Variants in NRG2 observed in about 807,000 individuals in gnomAD.
NRG2 encodes pro-neuregulin-2, membrane-bound isoform.
Under a neutral mutation model 73.9 loss-of-function variants are expected in NRG2, and 27 were observed. That is an observed-to-expected ratio of 0.37 (90% CI 0.27 to 0.50). NRG2 has a LOEUF of 0.50. Ranked by LOEUF, NRG2 falls within the 20% of genes least tolerant of loss-of-function variation. The pLI is 0.96. For missense variants in NRG2, 1,126 were observed against 1,210.1 expected, an observed-to-expected ratio of 0.93 and a Z score of 1.03; for synonymous variants, 532 against 541.0, an observed-to-expected ratio of 0.98 and a Z score of 0.23.
chr5:139,993,392 A>G (rs1257003087), intron 1 of NRG2, among the ~76,000 whole-genome samples: 1 of 152,194 alleles, frequency 6.6e-6, no homozygotes, highest in Non-Finnish European at 1.5e-5. Context: ...TTTCTCAAAC[A>G]TGCCAAGTTC....
At chr5:140,006,434 A>G (rs527624822) in intron 1 of NRG2, among the ~76,000 whole-genome samples, 1 of 152,344 alleles carries the variant, frequency 6.6e-6, no homozygotes, top group South Asian at 2.1e-4. Context: ...TCACCCCAAA[A>G]TTCCACTTCG....
At chr5:139,916,568 C>G (rs1277757667) in intron 1 of NRG2, among the ~76,000 whole-genome samples, 3 of 152,150 alleles carry the variant, frequency 2.0e-5, no homozygotes, top group Non-Finnish European at 4.4e-5. Context: ...TCCCCTTCAT[C>G]CCCTGGCAAC....
At chr5:139,913,932 C>T (rs1386473709) in intron 1 of NRG2, among the ~76,000 whole-genome samples, 1 of 152,138 alleles carries the variant, frequency 6.6e-6, no homozygotes, top group African/African-American at 2.4e-5. Context: ...GAGGGTGAAT[C>T]GTTTGAGCCC....
At chr5:139,998,505 C>A (rs532052796) in intron 1 of NRG2, among the ~76,000 whole-genome samples, 1 of 152,234 alleles carries the variant, frequency 6.6e-6, no homozygotes, top group East Asian at 1.9e-4. Flanking sequence ...AAACTGGGAC[C>A]CAATCTAGCC....
chr5:139,981,380 G>A lies in NRG2; in HGVS notation c.700+60990C>T, dbSNP rs145928652. On this transcript the variant is annotated intron_variant, in intron 1 of 9. Transcript: ENST00000361474. ...CCACATGGCCATGGTGGGAAGGGCC[G>A]GCCTCCCAGCAGCCATGGCCCTGGC... 7.1e-4 allele frequency among the ~76,000 whole-genome samples: 108 copies of A among 152,322 alleles called. 1 individual carries two copies. In the East Asian group the frequency reaches 0.018, roughly 25 times the overall value.
chr5:139,877,216 C>A (rs1421293476), intron 3 of NRG2, among the ~76,000 whole-genome samples: 1 of 152,238 alleles, frequency 6.6e-6, no homozygotes. Flanking sequence ...CCTGCCGACT[C>A]CTCCTGCCCG....
chr5:139,876,872 C>T (rs1346303492), intron 3 of NRG2, among the ~76,000 whole-genome samples: 1 of 151,352 alleles, frequency 6.6e-6, no homozygotes, highest in African/African-American at 2.4e-5. Flanking sequence ...GAGCTCAGAG[C>T]AAGATCTTGT....
chr5:139,851,630 G>A lies in NRG2; in HGVS notation c.1746C>T (p.Ser582=). The stretch of plus-strand genomic sequence containing the variant: ...TCTCGCTGTGTGGGGAGTCGCGAAG[G>A]GAGTCCACGGAATCGTGATAGGGTG... The part of the protein sequence containing the change: ...TAPPYHDSVD[S]LRDSPHSERY... The change falls in exon 9 of 10, where the codon TCC becomes TCT. Residue 582 remains serine, a synonymous_variant. Transcript: ENST00000361474. This position sits in a 1 kb window ranked among gnomAD's most constrained non-coding sequence, Gnocchi z 4.2. 2 of 1,614,074 alleles carry A rather than the reference G, an allele frequency of 1.2e-6. No individual in the cohort carries two copies. Among genetic ancestry groups the A allele is most frequent in the East Asian group, 2.2e-5 (1 of 44,882 alleles).
chr5:139,974,317 C>A (rs578230101), intron 1 of NRG2, among the ~76,000 whole-genome samples: 30 of 152,040 alleles, frequency 2.0e-4, no homozygotes, highest in Admixed American at 5.9e-4. Flanking sequence ...CTTCCCCTCC[C>A]TCCATTCTCA....
At chr5:139,955,382 A>G (rs1243821709) in intron 1 of NRG2, among the ~76,000 whole-genome samples, 11 of 152,134 alleles carry the variant, frequency 7.2e-5, no homozygotes, top group Non-Finnish European at 1.6e-4. Flanking sequence ...AGGGAGGGTG[A>G]TGCATATGGA....
At position 139,874,167 on chromosome 5, in the gene NRG2, G is replaced by A. The variant is rs193011456; in HGVS notation, c.992-2326C>T. 2.4e-3 allele frequency among the ~76,000 whole-genome samples: 373 copies of A among 152,338 alleles called. 3 individuals carry two copies. The highest frequency in any genetic ancestry group is 8.2e-3 in the African/African-American group (342 of 41,570). On this transcript the variant is annotated intron_variant, in intron 3 of 9. Coordinates refer to ENST00000361474, the MANE Select transcript of NRG2 (RefSeq NM_004883.3). Reference sequence around the variant, plus strand: ...GGAAGAGCTGCGCTCACGCTGTAGCGCAGTTACACTGTTCTAGCACGCGTG... The same window carrying A: ...GGAAGAGCTGCGCTCACGCTGTAGCACAGTTACACTGTTCTAGCACGCGTG...
At chr5:140,021,993 C>G (rs1031212818) in intron 1 of NRG2, among the ~76,000 whole-genome samples, 1 of 152,158 alleles carries the variant, frequency 6.6e-6, no homozygotes, top group African/African-American at 2.4e-5. Context: ...TTCTACATCT[C>G]CAGTCCAATC....
At chr5:139,896,775 C>G (rs1050917258) in intron 1 of NRG2, among the ~76,000 whole-genome samples, 1 of 152,140 alleles carries the variant, frequency 6.6e-6, no homozygotes, top group African/African-American at 2.4e-5. Context: ...CAGGCCCTGG[C>G]TCAGGTCATA....
chr5:139,932,221 AGTGT>A (rs3056594), intron 1 of NRG2, among the ~76,000 whole-genome samples: 22,583 of 141,246 alleles, frequency 0.16, 1,873 homozygotes, highest in Middle Eastern at 0.3. Context: ...AAGAAAATGT[AGTGT>A]GTGTGTGTGT....
intron 1 of NRG2, among the ~76,000 whole-genome samples, chr5:139,949,410 T>A (rs1754028152): frequency 6.6e-6 from 1 of 152,208 alleles, no homozygotes; most frequent in Non-Finnish European, 1.5e-5. Flanking sequence ...AGATGAGTAA[T>A]GGAGTGTGAC....
At position 139,863,477 on chromosome 5, in the gene NRG2, A is replaced by C. The variant is rs1561634123; in HGVS notation, c.1189+2072T>G. On this transcript the variant is annotated intron_variant, in intron 5 of 9. Coordinates refer to ENST00000361474, the MANE Select transcript of NRG2 (RefSeq NM_004883.3). ...CCCTGCTGACCTTCCTAGCAGATCT[A>C]GGCTGAAAGCTGAAGCAGCCCAGCT... Among the ~76,000 whole-genome samples the C allele has an allele frequency of 2.0e-5, 3 of 152,326 alleles. No homozygotes were observed. The East Asian group carries it at 5.8e-4, about 29-fold the overall frequency.
chr5:139,982,617 G>A (rs1337559608), intron 1 of NRG2, among the ~76,000 whole-genome samples: 2 of 152,132 alleles, frequency 1.3e-5, no homozygotes, highest in Non-Finnish European at 2.9e-5. Context: ...CCTAGACAGC[G>A]AGTTTCCGGT....
chr5:139,966,260 C>T (rs1050983877), intron 1 of NRG2, among the ~76,000 whole-genome samples: 2 of 152,202 alleles, frequency 1.3e-5, no homozygotes, highest in African/African-American at 4.8e-5. Context: ...GGAAGGCCCA[C>T]CAGCTCTCCC....
Position 140,042,847 on chromosome 5 carries a change from T to C in NRG2, c.223A>G (p.Ser75Gly). 5.4e-6 allele frequency: 8 copies of C among 1,494,236 alleles called. No individual in the cohort carries two copies. The highest frequency in any genetic ancestry group is 6.2e-6 in the Non-Finnish European group (7 of 1,125,688). 92.6% of individuals were successfully genotyped at this position (1,494,236 alleles called of 1,614,324 possible). Reference sequence around the variant, plus strand: ...GCGGCGGCTCTCCGGGCTGCGGGGCTGCGGGGCTGCGGCTGTTGCTGCGGC... The same window carrying C: ...GCGGCGGCTCTCCGGGCTGCGGGGCCGCGGGGCTGCGGCTGTTGCTGCGGC... ...PRPQQQPQPR[S>G]PAARRAAARS... The change falls in exon 1 of 10, where the codon AGC becomes GGC. Residue 75 changes from serine (S) to glycine (G), a missense_variant. Coordinates refer to ENST00000361474, the MANE Select transcript of NRG2 (RefSeq NM_004883.3).
Sources: gnomAD v4.1 joint callset for allele counts (sites outside exome capture counted in the v4.1 genomes callset) on GRCh38, gnomAD v4.1.1 for gene constraint, Gnocchi (gnomAD v3.1) non-coding constraint, MANE v1.5 for transcripts, NCBI Gene and HGNC (gene_info 2026-07-23, HGNC 2026-07-21) for gene names.